CPEB3: variants seen among roughly 807,000 people sequenced by gnomAD.
The protein encoded by CPEB3 is cytoplasmic polyadenylation element binding protein 3.
Under a neutral mutation model 67.2 loss-of-function variants are expected in CPEB3, and 20 were observed. The observed-to-expected ratio is 0.30, with a 90% CI of 0.21 to 0.43. The LOEUF (loss-of-function observed/expected upper bound fraction) is 0.43. Ranked by LOEUF, CPEB3 falls within the 20% of genes least tolerant of loss-of-function variation. The pLI, the probability that CPEB3 is intolerant of heterozygous loss-of-function variation, is 1.00. For synonymous variants in CPEB3, 376 were observed against 393.1 expected, an observed-to-expected ratio of 0.96 and a Z score of 0.51; for missense variants, 746 against 968.6, an observed-to-expected ratio of 0.77 and a Z score of 3.05.
At chr10:92,138,156 C>CTGT in intron 6 of CPEB3, 1 of 196,680 alleles carries the variant, frequency 5.1e-6, no homozygotes, top group South Asian at 1.1e-4. Context: ...ACCACTGACC[C>CTGT]GCAGCCAGAG....
At chr10:92,126,183 T>A (rs1845601575) in intron 6 of CPEB3, among the ~76,000 whole-genome samples, 1 of 152,128 alleles carries the variant, frequency 6.6e-6, no homozygotes, top group Non-Finnish European at 1.5e-5. Context: ...GTCATGACAA[T>A]GGTGGGAGAT....
intron 4 of CPEB3, among the ~76,000 whole-genome samples, chr10:92,149,428 G>A (rs1352772652): frequency 6.6e-6 from 1 of 152,224 alleles, no homozygotes; most frequent in Non-Finnish European, 1.5e-5. Context: ...TGAGACATGA[G>A]GAAGTCTTGA....
At chr10:92,212,652 A>C (rs191799739) in intron 2 of CPEB3, among the ~76,000 whole-genome samples, 2 of 152,360 alleles carry the variant, frequency 1.3e-5, no homozygotes, top group Admixed American at 6.5e-5. Flanking sequence ...CTGTATTTGT[A>C]AAGTACCCAC....
At chr10:92,193,502 G>A (rs1425374842) in intron 2 of CPEB3, among the ~76,000 whole-genome samples, 1 of 151,688 alleles carries the variant, frequency 6.6e-6, no homozygotes, top group Non-Finnish European at 1.5e-5. Flanking sequence ...TTGTTGCCGA[G>A]GTTGAAGTAC....
intron 1 of CPEB3, among the ~76,000 whole-genome samples, chr10:92,289,701 C>T (rs1451888595): frequency 4.5e-5 from 4 of 88,950 alleles, no homozygotes; most frequent in African/African-American, 2.5e-4. Flanking sequence ...GGCAACATGG[C>T]GAGACCGCGT....
chr10:92,137,727 A>ACG (rs1846174178), intron 6 of CPEB3: 11 of 399,912 alleles, frequency 2.8e-5, no homozygotes, highest in Admixed American at 1.6e-4. Flanking sequence ...GGCTGGGTGC[A>ACG]GTGGCTCACG....
intron 4 of CPEB3, among the ~76,000 whole-genome samples, chr10:92,148,472 A>G (rs1224351064): frequency 6.6e-6 from 1 of 152,100 alleles, no homozygotes; most frequent in Non-Finnish European, 1.5e-5. Context: ...TCCCTTTTCT[A>G]TCCACACACA....
At chr10:92,254,349 T>C (rs939235651) in intron 1 of CPEB3, among the ~76,000 whole-genome samples, 1 of 152,116 alleles carries the variant, frequency 6.6e-6, no homozygotes, top group Non-Finnish European at 1.5e-5. Context: ...TTAAAAATGT[T>C]AAAAGCTAAG....
At chr10:92,111,588 C>A (rs1844743779) in intron 6 of CPEB3, among the ~76,000 whole-genome samples, 1 of 152,136 alleles carries the variant, frequency 6.6e-6, no homozygotes, top group Non-Finnish European at 1.5e-5. Flanking sequence ...AAATATTATG[C>A]TAAGTGAAAG....
chr10:92,150,728 A>ACTAACTAGCATCTCT (rs1846923928), intron 4 of CPEB3, among the ~76,000 whole-genome samples: 1 of 152,196 alleles, frequency 6.6e-6, no homozygotes. Flanking sequence ...GTCTTGCTTC[A>ACTAACTAGCATCTCT]CTAACTAGCA....
intron 1 of CPEB3, among the ~76,000 whole-genome samples, chr10:92,270,506 CTAGT>C (rs1225463100): frequency 6.7e-6 from 1 of 150,122 alleles, no homozygotes; most frequent in Non-Finnish European, 1.5e-5. Context: ...GAAAAAGAAG[CTAGT>C]AGGTAAGCAA....
At chr10:92,141,579 T>C (rs1846424208) in intron 6 of CPEB3, among the ~76,000 whole-genome samples, 1 of 151,996 alleles carries the variant, frequency 6.6e-6, no homozygotes, top group Non-Finnish European at 1.5e-5. Flanking sequence ...CATGTATACA[T>C]ATGTAACTAA....
chr10:92,266,206 AAT>A (rs1223440740), intron 1 of CPEB3, among the ~76,000 whole-genome samples: 1 of 152,208 alleles, frequency 6.6e-6, no homozygotes, highest in African/African-American at 2.4e-5. Flanking sequence ...CCCACTTTCC[AAT>A]ATTCTGTCAT....
intron 1 of CPEB3, among the ~76,000 whole-genome samples, chr10:92,262,731 C>CA (rs1334765403): frequency 1.3e-5 from 2 of 152,154 alleles, no homozygotes; most frequent in East Asian, 1.9e-4. Context: ...CCCATGTTCT[C>CA]AATTTCTCAG....
chr10:92,208,938 C>G lies in CPEB3; in HGVS notation c.1006-16302G>C, dbSNP rs553952454. On this transcript the variant is annotated intron_variant, in intron 2 of 9. Coordinates refer to ENST00000265997, the MANE Select transcript of CPEB3 (RefSeq NM_014912.5). ...TCCTTTGTTTGTCCTCCCATAATTC[C>G]TAGCATATGGCTCTGTCATTGCATT... is the stretch of plus-strand genomic sequence containing the variant. Among the ~76,000 whole-genome samples, 5 of 152,204 alleles carry G rather than the reference C, an allele frequency of 3.3e-5. No homozygotes were observed. The East Asian group carries it at 9.6e-4, about 29-fold the overall frequency.
At chr10:92,196,097 T>C (rs1193566095) in intron 2 of CPEB3, among the ~76,000 whole-genome samples, 4 of 152,254 alleles carry the variant, frequency 2.6e-5, no homozygotes, top group African/African-American at 4.8e-5. Context: ...TAGAGCCGAT[T>C]AAAACATAGA....
chr10:92,081,266 C>T, intron 9 of CPEB3, 54 bp downstream of exon 9: 1 of 1,598,616 alleles, frequency 6.3e-7, no homozygotes, highest in Non-Finnish European at 8.6e-7. Context: ...CAGGAAACTA[C>T]AGAACAAACT....
At chr10:92,110,293 T>G (rs926510681) in intron 7 of CPEB3, among the ~76,000 whole-genome samples, 1 of 152,156 alleles carries the variant, frequency 6.6e-6, no homozygotes, top group Non-Finnish European at 1.5e-5. Flanking sequence ...TGTCATATTT[T>G]TACTCTATTT....
intron 1 of CPEB3, among the ~76,000 whole-genome samples, chr10:92,246,595 G>A (rs1216761694): frequency 6.7e-6 from 1 of 150,180 alleles, no homozygotes; most frequent in African/African-American, 2.4e-5. Context: ...TGCAACCTCC[G>A]CCTCCTGGGT....
Sources: gnomAD v4.1 joint callset for allele counts (sites outside exome capture counted in the v4.1 genomes callset) on GRCh38, gnomAD v4.1.1 for gene constraint, MANE v1.5 for transcripts, NCBI Gene and HGNC (gene_info 2026-07-23, HGNC 2026-07-21) for gene names.